The following SNX25 variants were observed in gnomAD, a reference collection of about 807,000 sequenced individuals.
SNX25 encodes the protein sorting nexin-25.
Under a neutral mutation model 113.7 loss-of-function variants are expected in SNX25, and 62 were observed. The observed-to-expected ratio is 0.55, with a 90% CI of 0.44 to 0.67. The LOEUF is 0.67. SNX25 is among the 30% of genes least tolerant of loss of function. The probability of loss-of-function intolerance (pLI) is 0.00; values close to 1 mark genes in which losing one functional copy is unlikely to be tolerated. For missense variants in SNX25, 1,014 were observed against 1,161.0 expected (o/e 0.87, Z 1.84); for synonymous variants, 421 against 436.2 (o/e 0.97, Z 0.43).
downstream of SNX25, chr4:185,365,713 AT>A (rs1238392687): frequency 6.6e-6 from 1 of 150,664 alleles, no homozygotes; most frequent in East Asian, 1.9e-4. Flanking sequence ...AATAATAATA[AT>A]AATCTTTAGG....
At chr4:185,241,207 C>G (rs372838246) in intron 1 of SNX25, among the ~76,000 whole-genome samples, 9 of 152,122 alleles carry the variant, frequency 5.9e-5, no homozygotes, top group Admixed American at 2.0e-4. Flanking sequence ...TGAGTGAACG[C>G]GACTCCGTCT....
intron 11 of SNX25, among the ~76,000 whole-genome samples, chr4:185,340,968 G>A (rs2095257034): frequency 6.6e-6 from 1 of 152,184 alleles, no homozygotes; most frequent in Admixed American, 6.5e-5. Context: ...GTGGTCCTAG[G>A]AAAGTCAGGG....
chr4:185,358,942 T>G (rs1201883488), intron 16 of SNX25, among the ~76,000 whole-genome samples: 1 of 152,256 alleles, frequency 6.6e-6, no homozygotes, highest in African/African-American at 2.4e-5. Context: ...ATAAAGCTTA[T>G]AAATTTTAAT....
intron 1 of SNX25, among the ~76,000 whole-genome samples, chr4:185,220,723 G>A (rs1407985655): frequency 7.9e-5 from 12 of 151,868 alleles, no homozygotes; most frequent in Admixed American, 3.3e-4. Context: ...CTTGTGATCC[G>A]CCCACCTCGG....
intron 16 of SNX25, among the ~76,000 whole-genome samples, chr4:185,360,104 A>C (rs151302981): frequency 8.9e-4 from 136 of 152,358 alleles, no homozygotes; most frequent in African/African-American, 3.0e-3. Flanking sequence ...TCAGATCTAA[A>C]TCAGTAGAAA....
intron 16 of SNX25, among the ~76,000 whole-genome samples, chr4:185,360,245 T>G (rs1222657244): frequency 6.6e-6 from 1 of 152,212 alleles, no homozygotes; most frequent in Non-Finnish European, 1.5e-5. Flanking sequence ...TCAATAAACT[T>G]ATTTTATATG....
chr4:185,338,278 GT>G (rs1167262761), intron 10 of SNX25, among the ~76,000 whole-genome samples: 74 of 139,228 alleles, frequency 5.3e-4, no homozygotes, highest in Middle Eastern at 3.6e-3. Context: ...TATTCTGTGT[GT>G]TTTTTTTTTT....
At chr4:185,358,348 TG>T (rs1408154369) in intron 16 of SNX25, among the ~76,000 whole-genome samples, 7 of 152,216 alleles carry the variant, frequency 4.6e-5, no homozygotes, top group African/African-American at 1.7e-4. Context: ...AGTCTTTCAC[TG>T]AGTGTTCTAA....
intron 1 of SNX25, among the ~76,000 whole-genome samples, chr4:185,240,562 G>C (rs1335409854): frequency 6.7e-6 from 1 of 149,702 alleles, no homozygotes; most frequent in African/African-American, 2.5e-5. Context: ...GCGGCTGGCC[G>C]GGCAGAGGGG....
intron 1 of SNX25, among the ~76,000 whole-genome samples, chr4:185,233,022 A>C (rs1255523206): frequency 1.2e-4 from 19 of 152,148 alleles, no homozygotes; most frequent in Admixed American, 1.2e-3. Context: ...GGTAGCTCAC[A>C]CCTGTTATGC....
chr4:185,323,485 G>A (rs376879847), intron 8 of SNX25, 43 bp from the exon 9 acceptor site: 2 of 1,541,266 alleles, frequency 1.3e-6, no homozygotes, highest in Admixed American at 2.1e-5. Flanking sequence ...ATTTCTCTCA[G>A]AGATGATATG....
chr4:185,206,068 T>C (rs1467643075), upstream of SNX25, among the ~76,000 whole-genome samples: 1 of 152,182 alleles, frequency 6.6e-6, no homozygotes, highest in African/African-American at 2.4e-5. Context: ...TGTGAGAATG[T>C]AGCATACTCA....
At chr4:185,242,009 T>C (rs144938555) in intron 1 of SNX25, among the ~76,000 whole-genome samples, 14 of 152,318 alleles carry the variant, frequency 9.2e-5, no homozygotes, top group African/African-American at 3.4e-4. Flanking sequence ...AGCTTCTTTC[T>C]CTTTTTTTCT....
At chr4:185,213,482 T>G (rs1014885157) in intron 1 of SNX25, among the ~76,000 whole-genome samples, 1 of 152,202 alleles carries the variant, frequency 6.6e-6, no homozygotes, top group Non-Finnish European at 1.5e-5. Flanking sequence ...TAGAAAAACT[T>G]GGACTCTTGT....
At chr4:185,266,899 A>C (rs769355810) in intron 4 of SNX25, 70 bp from the exon 5 acceptor site, 6 of 1,452,564 alleles carry the variant, frequency 4.1e-6, no homozygotes, top group Non-Finnish European at 5.6e-6. Context: ...AGTCTCAGTT[A>C]TGTGATACAT....
At chr4:185,264,669 G>T (rs1747802097) in intron 4 of SNX25, 59 bp downstream of exon 4, 7 of 1,526,948 alleles carry the variant, frequency 4.6e-6, no homozygotes, top group Middle Eastern at 1.7e-4. Flanking sequence ...TGTGCTACAT[G>T]CAGACCTTGT....
At chr4:185,237,137 G>A (rs991994968) in intron 1 of SNX25, among the ~76,000 whole-genome samples, 1 of 121,782 alleles carries the variant, frequency 8.2e-6, no homozygotes, top group South Asian at 2.9e-4. Flanking sequence ...AGTAGAAATT[G>A]TGCTTGACTA....
intron 5 of SNX25, among the ~76,000 whole-genome samples, chr4:185,269,808 T>C (rs1748653635): frequency 6.6e-6 from 1 of 152,116 alleles, no homozygotes; most frequent in Admixed American, 6.6e-5. Context: ...ACTCTAAGGC[T>C]CAAACAGTCC....
chr4:185,323,749 A>G lies in SNX25; in HGVS notation c.1698A>G (p.Ile566Met), dbSNP rs367686223. 3 of 1,613,694 alleles carry G rather than the reference A, an allele frequency of 1.9e-6. No individual in the cohort carries two copies. The highest frequency in any genetic ancestry group is 2.5e-6 in the Non-Finnish European group (3 of 1,179,854). Residue 566 changes from isoleucine (I) to methionine (M), a missense_variant, in exon 9 of 19, where the codon ATA becomes ATG. Physicochemically the swap from Ile to Met is conservative, Grantham distance 10. Transcript: ENST00000652585. ...GTGACCTGTATGAGAAATTGTTGAT[A>G]AAAGAGGAAGAAAAACATGCCTCAC... ...IVSDLYEKLL[I>M]KEEEKHASQM... is the part of the protein sequence containing the mutation.
Sources: allele counts gnomAD v4.1 joint callset (sites outside exome capture counted in the v4.1 genomes callset), GRCh38; gene constraint gnomAD v4.1.1; transcripts MANE v1.5; gene names NCBI Gene and HGNC (gene_info 2026-07-23, HGNC 2026-07-21).